CCT3: variants seen among roughly 807,000 people sequenced by gnomAD.
The protein encoded by CCT3 is T-complex protein 1 subunit gamma.
A neutral mutation model predicts 65.3 loss-of-function variants in CCT3; 10 were observed. That is an observed-to-expected ratio of 0.15 (90% CI 0.09 to 0.26). The LOEUF is 0.26. CCT3 is among the 10% of genes least tolerant of loss of function. The pLI is 1.00. For missense variants in CCT3, 626 were observed against 708.7 expected (o/e 0.88, Z 1.33); for synonymous variants, 225 against 242.3 (o/e 0.93, Z 0.66).
chr1:156,320,386 C>T (rs532595068), intron 7 of CCT3, among the ~76,000 whole-genome samples: 8 of 152,180 alleles, frequency 5.3e-5, no homozygotes, highest in South Asian at 4.1e-4. Context: ...CTAGCCTCTG[C>T]GCGACAGAGC....
At chr1:156,332,500 T>C (rs1665145368) in intron 5 of CCT3, among the ~76,000 whole-genome samples, 1 of 152,212 alleles carries the variant, frequency 6.6e-6, no homozygotes, top group South Asian at 2.1e-4. Context: ...TTCTTATTAT[T>C]TGTAACCCCA....
chr1:156,317,655 AAT>A, intron 8 of CCT3, 108 bp from the exon 9 acceptor site: 1 of 1,084,472 alleles, frequency 9.2e-7, no homozygotes, highest in African/African-American at 1.6e-5. Flanking sequence ...TCAGAGTCAG[AAT>A]TATGTTAAAG....
chr1:156,328,052 G>A (rs1392185957), intron 5 of CCT3, among the ~76,000 whole-genome samples: 1 of 3,364 alleles, frequency 3.0e-4, no homozygotes, highest in Non-Finnish European at 6.0e-4. Flanking sequence ...GGGTCCAGCC[G>A]CCCCATCTGG....
At chr1:156,337,059 C>A in intron 1 of CCT3, 1 of 1,283,494 alleles carries the variant, frequency 7.8e-7, no homozygotes, top group Non-Finnish European at 1.0e-6. Flanking sequence ...ACAGAAGTTA[C>A]ACACAGAATG....
intron 8 of CCT3, among the ~76,000 whole-genome samples, chr1:156,317,761 T>C (rs749129612): frequency 6.7e-6 from 1 of 149,688 alleles, no homozygotes. Context: ...CAGGCTGGAG[T>C]GTAATGGCGC....
chr1:156,326,725 T>TA (rs1664829538), intron 5 of CCT3, among the ~76,000 whole-genome samples: 1 of 151,394 alleles, frequency 6.6e-6, no homozygotes, highest in African/African-American at 2.4e-5. Context: ...GGATTATTGG[T>TA]AAAACATCTC....
At chr1:156,309,508 C>G (rs996495777) in intron 13 of CCT3, among the ~76,000 whole-genome samples, 1 of 151,946 alleles carries the variant, frequency 6.6e-6, no homozygotes, top group Non-Finnish European at 1.5e-5. Flanking sequence ...TTCACTGCAA[C>G]CTCCGCCTCC....
At chr1:156,329,281 T>C (rs1485449792) in intron 5 of CCT3, among the ~76,000 whole-genome samples, 1 of 151,708 alleles carries the variant, frequency 6.6e-6, no homozygotes, top group Non-Finnish European at 1.5e-5. Flanking sequence ...AATAACGCAT[T>C]TGTCTCAGAA....
intron 5 of CCT3, among the ~76,000 whole-genome samples, chr1:156,329,080 CTA>C (rs1664991254): frequency 6.6e-6 from 1 of 152,082 alleles, no homozygotes; most frequent in African/African-American, 2.4e-5. Flanking sequence ...TGTACCTTTT[CTA>C]TGTTTAGCTA....
At position 156,325,467 on chromosome 1, in the gene CCT3, G is replaced by A. The variant is rs541193594; in HGVS notation, c.305-378C>T. The stretch of plus-strand genomic sequence containing the variant: ...CACTTGAGCCCAGGAGGTTGAGGGT[G>A]CAATGAGCCATGACCGCACCATTGC... On this transcript the variant is annotated intron_variant, in intron 5 of 13. Coordinates refer to ENST00000295688, the MANE Select transcript of CCT3 (RefSeq NM_005998.5). Among the ~76,000 whole-genome samples the A allele has an allele frequency of 1.4e-4, 22 of 152,122 alleles. No homozygotes were observed. In the South Asian group the frequency reaches 4.4e-3, roughly 30 times the overall value.
rs1664949064 is a variant in CCT3, at chr1:156,328,320, G to A, written c.305-3231C>T. On this transcript the variant is annotated intron_variant, in intron 5 of 13. Transcript: ENST00000295688. ...GGCTGCCCCTACTGGGAAGTGAGGAGCCCCTCTGCCCGGCCACGACCCTGT... is the reference window on the plus strand; with the variant it reads ...GGCTGCCCCTACTGGGAAGTGAGGAACCCCTCTGCCCGGCCACGACCCTGT... Among the ~76,000 whole-genome samples the A allele has an allele frequency of 3.9e-5, 6 of 152,016 alleles. No individual in the cohort carries two copies. In the South Asian group the frequency reaches 1.0e-3, roughly 26 times the overall value.
chr1:156,326,279 T>C (rs1424952386), intron 5 of CCT3, among the ~76,000 whole-genome samples: 1 of 152,090 alleles, frequency 6.6e-6, no homozygotes, highest in Non-Finnish European at 1.5e-5. Context: ...CAGTGAGCCG[T>C]GATCACACTA....
chr1:156,311,536 G>A (rs1664082412), intron 11 of CCT3, among the ~76,000 whole-genome samples: 2 of 152,128 alleles, frequency 1.3e-5, no homozygotes, highest in South Asian at 4.1e-4. Flanking sequence ...ATAGATAAGA[G>A]CCATAACCTA....
intron 6 of CCT3, among the ~76,000 whole-genome samples, chr1:156,321,809 G>T (rs12138564): frequency 0.24 from 36,725 of 151,990 alleles, 4,941 homozygotes; most frequent in Non-Finnish European, 0.29. Flanking sequence ...GTCACTGCAC[G>T]ACAGCCTGGG....
At chr1:156,310,924 A>G in intron 12 of CCT3, 26 bp downstream of exon 12, 1 of 1,606,152 alleles carries the variant, frequency 6.2e-7, no homozygotes, top group Non-Finnish European at 8.5e-7. Flanking sequence ...TGCTCCATCA[A>G]GAGAAAAGCT....
chr1:156,334,117 T>C (rs1188556502), intron 4 of CCT3, among the ~76,000 whole-genome samples: 1 of 151,874 alleles, frequency 6.6e-6, no homozygotes, highest in Non-Finnish European at 1.5e-5. Context: ...CATGCGCTTG[T>C]AATTCCAGCT....
chr1:156,337,731 T>C (rs1665488805), intron 1 of CCT3: 2 of 207,404 alleles, frequency 9.6e-6, no homozygotes, highest in Non-Finnish European at 2.0e-5. Context: ...GTAATACAGA[T>C]TGAAACATTT....
Position 156,310,902 on chromosome 1 carries a change from C to T in CCT3, c.1401+48G>A, listed in dbSNP as rs188653702. On this transcript the variant is annotated intron_variant, in intron 12 of 13. Transcript: ENST00000295688. ...ATAAGAATCTTCCCCTCAGGGCAAA[C>T]ACAGCTTTCCCTGCTCCATCAAGAG... The T allele has an allele frequency of 4.4e-6, 7 of 1,592,488 alleles. No homozygotes were observed. In the Admixed American group the frequency reaches 8.8e-5, roughly 20 times the overall value.
At chr1:156,312,432 A>C (rs774055646) in intron 10 of CCT3, among the ~76,000 whole-genome samples, 1 of 152,090 alleles carries the variant, frequency 6.6e-6, no homozygotes, top group Non-Finnish European at 1.5e-5. Flanking sequence ...AGGCCAGGCA[A>C]AAGGATTGCT....
Sources: allele counts gnomAD v4.1 joint callset (sites outside exome capture counted in the v4.1 genomes callset), GRCh38; gene constraint gnomAD v4.1.1; transcripts MANE v1.5; gene names NCBI Gene and HGNC (gene_info 2026-07-23, HGNC 2026-07-21).